Variants in CEP128 observed in about 807,000 individuals in gnomAD.
CEP128 encodes centrosomal protein 128, also known as centrosomal protein 128kDa.
Under a neutral mutation model 156.7 loss-of-function variants are expected in CEP128, and 132 were observed. That is an observed-to-expected ratio of 0.84 (90% CI 0.73 to 0.97). The LOEUF is 0.97. Ranked by LOEUF, CEP128 falls within the 50% of genes least tolerant of loss-of-function variation. The pLI is 0.00. For missense variants in CEP128, 1,252 were observed against 1,281.9 expected (o/e 0.98, Z 0.36); for synonymous variants, 469 against 448.9 (o/e 1.04, Z -0.57).
intron 6 of CEP128, among the ~76,000 whole-genome samples, chr14:80,901,042 T>C (rs1298615822): frequency 1.3e-5 from 2 of 151,938 alleles, no homozygotes; most frequent in South Asian, 4.2e-4. Context: ...CCGTCTCTAC[T>C]AAAAATACAA....
intron 8 of CEP128, among the ~76,000 whole-genome samples, chr14:80,884,220 G>A (rs1461814116): frequency 6.6e-6 from 1 of 152,112 alleles, no homozygotes; most frequent in African/African-American, 2.4e-5. Context: ...AAGCAGAAAC[G>A]GACAAATGGG....
At chr14:80,819,347 T>C (rs540722742) in intron 13 of CEP128, among the ~76,000 whole-genome samples, 1 of 147,548 alleles carries the variant, frequency 6.8e-6, no homozygotes, top group East Asian at 2.2e-4. Context: ...CCCGGGTTCA[T>C]GCCATTCTCC....
At chr14:80,678,899 G>A (rs555787334) in intron 19 of CEP128, among the ~76,000 whole-genome samples, 3 of 152,280 alleles carry the variant, frequency 2.0e-5, no homozygotes, top group South Asian at 2.1e-4. Context: ...AACATAAATT[G>A]TGAAGATTTC....
chr14:80,785,328 C>T lies in CEP128; in HGVS notation c.1778G>A (p.Ser593Asn), dbSNP rs756608264. Reference sequence around the variant, plus strand: ...GATCTTACTCTGCTTTTTCAATTCGCTCTCCAGTCTATGGATGGTATCCAG... The same window carrying T: ...GATCTTACTCTGCTTTTTCAATTCGTTCTCCAGTCTATGGATGGTATCCAG... ...NSLDTIHRLE[S>N]ELKKQSKIQS... The change falls in exon 15 of 25, where the codon AGC becomes AAC. Residue 593 changes from serine to asparagine, a missense_variant. Physicochemically the swap from Ser to Asn is conservative, Grantham distance 46 (BLOSUM62 1). Coordinates refer to ENST00000555265, the MANE Select transcript of CEP128 (RefSeq NM_152446.5). The T allele has an allele frequency of 6.8e-6, 11 of 1,614,044 alleles. No homozygotes were observed. Among genetic ancestry groups the T allele is most frequent in the Admixed American group, 5.0e-5 (3 of 60,012 alleles).
At chr14:80,827,747 C>G (rs1421563481) in intron 13 of CEP128, among the ~76,000 whole-genome samples, 2 of 152,154 alleles carry the variant, frequency 1.3e-5, no homozygotes, top group Non-Finnish European at 2.9e-5. Flanking sequence ...GTTACTAATT[C>G]TAAAGCCAGA....
At chr14:80,565,190 A>G (rs1202548131) in intron 20 of CEP128, among the ~76,000 whole-genome samples, 3 of 152,174 alleles carry the variant, frequency 2.0e-5, no homozygotes, top group Non-Finnish European at 4.4e-5. Context: ...AGTGCTTGAG[A>G]TAGTTTGCAG....
chr14:80,749,873 C>CT (rs1899300374), intron 18 of CEP128, among the ~76,000 whole-genome samples: 1 of 152,022 alleles, frequency 6.6e-6, no homozygotes. Flanking sequence ...AAAATATCAA[C>CT]TTTTAGCAGA....
intron 19 of CEP128, among the ~76,000 whole-genome samples, chr14:80,732,471 GGTGTGT>G (rs10672093): frequency 0.018 from 2,295 of 127,710 alleles, 42 homozygotes; most frequent in South Asian, 0.063. Context: ...TGATTAAGCA[GGTGTGT>G]GTGTGTGTGT....
chr14:80,494,158 A>C (rs937431602), downstream of CEP128, among the ~76,000 whole-genome samples: 1 of 152,248 alleles, frequency 6.6e-6, no homozygotes. Flanking sequence ...AACTATTTTC[A>C]TATCAAATTT....
intron 2 of CEP128, among the ~76,000 whole-genome samples, chr14:80,938,145 G>T (rs552039535): frequency 1.3e-5 from 2 of 151,996 alleles, no homozygotes; most frequent in South Asian, 4.2e-4. Flanking sequence ...CGATCCTCCT[G>T]CCTTGGCCTC....
chr14:80,496,400 C>T (rs532884066), downstream of CEP128: 20 of 152,676 alleles, frequency 1.3e-4, no homozygotes, highest in African/African-American at 4.3e-4. Context: ...GTTAGGACAA[C>T]ATACCTTGAG....
chr14:80,854,819 T>C (rs1004497580), intron 9 of CEP128, among the ~76,000 whole-genome samples: 8 of 152,152 alleles, frequency 5.3e-5, no homozygotes, highest in Non-Finnish European at 1.0e-4. Flanking sequence ...ATTAAACAAA[T>C]ATTTAGTAAG....
intron 6 of CEP128, among the ~76,000 whole-genome samples, chr14:80,903,619 C>A (rs1883705325): frequency 1.3e-5 from 2 of 151,240 alleles, no homozygotes; most frequent in Non-Finnish European, 2.9e-5. Context: ...GCGTTAATAT[C>A]CAAAATATAT....
intron 20 of CEP128, among the ~76,000 whole-genome samples, chr14:80,580,137 T>A (rs1891523948): frequency 6.6e-6 from 1 of 152,210 alleles, no homozygotes; most frequent in African/African-American, 2.4e-5. Context: ...GTTCCTATTA[T>A]GCTATACCAA....
At chr14:80,671,853 T>C (rs1347387441) in intron 19 of CEP128, among the ~76,000 whole-genome samples, 2 of 80,810 alleles carry the variant, frequency 2.5e-5, no homozygotes, top group South Asian at 8.6e-4. Flanking sequence ...TTCTCCTTCT[T>C]GGGTTTTTTG....
chr14:80,860,796 T>C (rs909208381), intron 9 of CEP128, among the ~76,000 whole-genome samples: 3 of 152,126 alleles, frequency 2.0e-5, no homozygotes, highest in Non-Finnish European at 4.4e-5. Flanking sequence ...GTGTTGCAAT[T>C]TTTGTTCCTA....
intron 19 of CEP128, among the ~76,000 whole-genome samples, chr14:80,587,232 T>A (rs1460157300): frequency 6.6e-6 from 1 of 152,156 alleles, no homozygotes; most frequent in East Asian, 1.9e-4. Context: ...CTGGTACATA[T>A]CTGGATATAC....
rs2139686096 is a variant in CEP128 at position 80,761,551 on chromosome 14, G to C, written c.2439C>G (p.Leu813=). The C allele has an allele frequency of 6.2e-7, 1 of 1,612,898 alleles. No individual in the cohort carries two copies. Among genetic ancestry groups the C allele is most frequent in the South Asian group, 1.1e-5 (1 of 90,908 alleles). ...TCTCCAAGCAAAGAAGTTGATCCTT[G>C]AGCTGCAATCTGGCCTCTTCCATCC... ...LRRMEEARLQ[L]KDQLLCLETE... Residue 813 remains leucine, a synonymous_variant, in exon 17 of 25, where the codon CTC becomes CTG. Transcript: ENST00000555265.
At chr14:80,932,858 G>A (rs79890905) in intron 2 of CEP128, among the ~76,000 whole-genome samples, 2 of 152,092 alleles carry the variant, frequency 1.3e-5, no homozygotes, top group East Asian at 3.9e-4. Flanking sequence ...CAAAAAGGTT[G>A]GGGACCCCTG....
Sources: allele counts gnomAD v4.1 joint callset (sites outside exome capture counted in the v4.1 genomes callset), GRCh38; gene constraint gnomAD v4.1.1; transcripts MANE v1.5; gene names NCBI Gene and HGNC (gene_info 2026-07-23, HGNC 2026-07-21).